Variants in UHRF1 observed in about 807,000 individuals in gnomAD.
The protein encoded by UHRF1 is E3 ubiquitin-protein ligase UHRF1.
UHRF1 carries 9 observed loss-of-function variants against 96.5 expected under a neutral mutation model. The ratio of observed to expected loss-of-function variants is 0.09; its 90% CI spans 0.06 to 0.16. The LOEUF (loss-of-function observed/expected upper bound fraction) is 0.16. Among genes scored for constraint, UHRF1 ranks in the 10% least tolerant of loss-of-function variants. The pLI is 1.00. For synonymous variants in UHRF1, 455 were observed against 469.9 expected, an observed-to-expected ratio of 0.97 and a Z score of 0.41; for missense variants, 626 against 1,131.1, an observed-to-expected ratio of 0.55 and a Z score of 6.40.
At chr19:4,912,292 G>A (rs556021868) in intron 2 of UHRF1, among the ~76,000 whole-genome samples, 22 of 152,220 alleles carry the variant, frequency 1.4e-4, no homozygotes, top group African/African-American at 5.3e-4. Context: ...CCTATGATGC[G>A]TGCTCCCTTT....
At chr19:4,912,212 G>A (rs376008289) in intron 2 of UHRF1, among the ~76,000 whole-genome samples, 6 of 152,190 alleles carry the variant, frequency 3.9e-5, no homozygotes, top group Non-Finnish European at 7.3e-5. Context: ...TGCAAGCCGC[G>A]TGTGTGCAGA....
At chr19:4,910,752 A>G in intron 1 of UHRF1, 124 bp from the exon 2 acceptor site, 2 of 1,217,558 alleles carry the variant, frequency 1.6e-6, no homozygotes, top group South Asian at 1.8e-5. Context: ...GAGGACTGGA[A>G]GGGCATCCTG....
At chr19:4,938,427 T>G (rs1266414827) in intron 5 of UHRF1, among the ~76,000 whole-genome samples, 1 of 152,144 alleles carries the variant, frequency 6.6e-6, no homozygotes, top group Non-Finnish European at 1.5e-5. Context: ...TTATGTTTTC[T>G]TTTTATTTTT....
intron 13 of UHRF1, among the ~76,000 whole-genome samples, chr19:4,951,971 A>AG (rs547310781): frequency 1.4e-4 from 22 of 152,274 alleles, no homozygotes; most frequent in African/African-American, 5.3e-4. Context: ...CCTCTACCCG[A>AG]GGGGGTCACT....
chr19:4,906,205 C>T (rs1277784268), upstream of UHRF1, among the ~76,000 whole-genome samples: 1 of 152,026 alleles, frequency 6.6e-6, no homozygotes, highest in Non-Finnish European at 1.5e-5. Flanking sequence ...TCTCAAACTC[C>T]CGGGCGCAAG....
At chr19:4,958,672 T>C (rs2033917424) in intron 16 of UHRF1, among the ~76,000 whole-genome samples, 1 of 152,166 alleles carries the variant, frequency 6.6e-6, no homozygotes, top group Admixed American at 6.5e-5. Context: ...CCTTGATCTT[T>C]TTAAATTATA....
chr19:4,941,310 C>G (rs369864450), intron 5 of UHRF1, among the ~76,000 whole-genome samples: 2 of 151,930 alleles, frequency 1.3e-5, no homozygotes, highest in Non-Finnish European at 2.9e-5. Flanking sequence ...AGGCTGGTCT[C>G]GAACTCCTGA....
At chr19:4,908,244 G>A (rs1222281363), upstream of UHRF1, among the ~76,000 whole-genome samples, 1 of 152,100 alleles carries the variant, frequency 6.6e-6, no homozygotes, top group East Asian at 1.9e-4. Flanking sequence ...GGACGTGGGG[G>A]TCTAGAGACG....
rs1445560092 is a variant in UHRF1 at position 4,925,885 on chromosome 19, TTTTC to T, written c.154-3325_154-3322del. Among the ~76,000 whole-genome samples, 6 of 150,870 alleles carry T rather than the reference TTTTC, an allele frequency of 4.0e-5. No homozygotes were observed. The South Asian group carries it at 6.3e-4, about 16-fold the overall frequency. ...TGTTGATCCTCTCACCTGTTTTTTC[TTTTC>T]TTTCTTTCTTTTTTTCTTTCTTTTT... is the stretch of plus-strand genomic sequence containing the variant. On this transcript the variant is annotated intron_variant, in intron 2 of 16. Transcript: ENST00000650932.
intron 2 of UHRF1, among the ~76,000 whole-genome samples, chr19:4,920,589 G>C (rs565133258): frequency 6.6e-6 from 1 of 152,206 alleles, no homozygotes; most frequent in Admixed American, 6.5e-5. Context: ...GTTGATCAGG[G>C]TGGAGCACAG....
chr19:4,908,431 C>G (rs1385243841), upstream of UHRF1, among the ~76,000 whole-genome samples: 1 of 152,148 alleles, frequency 6.6e-6, no homozygotes. Context: ...CGGTGGCCTT[C>G]AAGGTATTAT....
chr19:4,933,668 A>C (rs2033128695), intron 5 of UHRF1, among the ~76,000 whole-genome samples: 1 of 152,032 alleles, frequency 6.6e-6, no homozygotes, highest in African/African-American at 2.4e-5. Context: ...ACTGTTACCA[A>C]CTTTCCAGGG....
chr19:4,932,998 C>G, intron 5 of UHRF1, 42 bp downstream of exon 5: 1 of 1,542,904 alleles, frequency 6.5e-7, no homozygotes, highest in Non-Finnish European at 8.8e-7. Context: ...TCTCTCCTTT[C>G]CTCCCCTCCC....
Position 4,930,981 on chromosome 19 carries a change from C to T in UHRF1, c.569+105C>T. On this transcript the variant is annotated intron_variant, in intron 4 of 16. Coordinates refer to ENST00000650932, the MANE Select transcript of UHRF1 (RefSeq NM_001048201.3). This position sits in a 1 kb window ranked among gnomAD's most constrained non-coding sequence, Gnocchi z 4.4. ...CTTGGCACTGTCTCGAGATGGTGAT[C>T]AGGATCTGGGGCCCCATCCTCGAAT... 1 of 1,502,408 alleles carries T rather than the reference C, an allele frequency of 6.7e-7. No individual in the cohort carries two copies. Among genetic ancestry groups the T allele is most frequent in the South Asian group, 1.2e-5 (1 of 80,876 alleles). 93.1% of individuals were successfully genotyped at this position (1,502,408 alleles called of 1,614,324 possible).
chr19:4,906,080 G>C (rs2032058935), upstream of UHRF1, among the ~76,000 whole-genome samples: 1 of 152,162 alleles, frequency 6.6e-6, no homozygotes, highest in South Asian at 2.1e-4. Context: ...GGGCTCAAGA[G>C]GTCCTCCTGC....
intron 7 of UHRF1, among the ~76,000 whole-genome samples, chr19:4,942,814 T>C (rs1340444242): frequency 1.3e-5 from 2 of 152,130 alleles, no homozygotes; most frequent in East Asian, 3.9e-4. Context: ...TCGCCTGTGG[T>C]CCCAGCCACT....
rs17883773 is a variant in UHRF1, at chr19:4,931,161, C to T, written c.569+285C>T. Among the ~76,000 whole-genome samples the T allele has an allele frequency of 1.9e-3, 288 of 152,290 alleles. 1 individual carries two copies. Among genetic ancestry groups the T allele is most frequent in the African/African-American group, 6.4e-3 (268 of 41,558 alleles). ...GTTTTATTCCATCTTCCGGGTTTGT[C>T]ATCTCTCCCTCATCCCCACCCCTAA... On this transcript the variant is annotated intron_variant, in intron 4 of 16. Transcript: ENST00000650932.
intron 5 of UHRF1, among the ~76,000 whole-genome samples, chr19:4,938,751 T>G (rs1346187643): frequency 8.0e-6 from 1 of 124,856 alleles, no homozygotes; most frequent in African/African-American, 3.1e-5. Context: ...TTTTTTTTTT[T>G]TTTTTTTTTT....
rs529039793 is a variant in UHRF1 at position 4,917,498 on chromosome 19, AC to A, written c.153+6461del. 2.2e-4 allele frequency among the ~76,000 whole-genome samples: 34 copies of A among 151,734 alleles called. No individual in the cohort carries two copies. In the East Asian group the frequency reaches 6.7e-3, roughly 30 times the overall value. ...GTGAAACCCCATCTTTACTAAAGAT[AC>A]AAAAATTAGCTGGGGATGGTGGTGC... On this transcript the variant is annotated intron_variant, in intron 2 of 16. Transcript: ENST00000650932.
Sources: gnomAD v4.1 joint callset for allele counts (sites outside exome capture counted in the v4.1 genomes callset) on GRCh38, gnomAD v4.1.1 for gene constraint, Gnocchi (gnomAD v3.1) non-coding constraint, MANE v1.5 for transcripts, NCBI Gene and HGNC (gene_info 2026-07-23, HGNC 2026-07-21) for gene names.